NDUFV3: variants seen among roughly 807,000 people sequenced by gnomAD.
NDUFV3 encodes NADH:ubiquinone oxidoreductase subunit V3.
In NDUFV3, 44 loss-of-function variants were observed where a neutral mutation model predicts 37.5. That is an observed-to-expected ratio of 1.17 (90% confidence interval 0.92 to 1.51). The LOEUF is 1.51. Ranked by LOEUF, NDUFV3 falls within the 40% of genes most tolerant of loss-of-function variation. NDUFV3 has a pLI of 0.00. For synonymous variants in NDUFV3, 235 were observed against 239.3 expected (o/e 0.98, Z 0.17); for missense variants, 580 against 580.4 (o/e 1.00, Z 0.01).
intron 2 of NDUFV3, among the ~76,000 whole-genome samples, chr21:42,902,325 C>G (rs1013685810): frequency 2.6e-5 from 4 of 152,132 alleles, no homozygotes; most frequent in Non-Finnish European, 5.9e-5. Flanking sequence ...ACTTTATTCT[C>G]TAATGTAATG....
intron 2 of NDUFV3, 150 bp from the exon 3 acceptor site, chr21:42,903,032 G>C: frequency 3.6e-6 from 4 of 1,105,534 alleles, no homozygotes; most frequent in Non-Finnish European, 5.3e-6. Flanking sequence ...TCCTCAGTTG[G>C]TTGCTTGGTG....
Position 42,909,169 on chromosome 21 carries a change from T to C in NDUFV3, c.*148T>C. 1.2e-6 allele frequency: 1 copy of C among 818,348 alleles called. No individual in the cohort carries two copies. The highest frequency in any genetic ancestry group is 1.9e-5 in the African/African-American group (1 of 52,126). The allele number at this position is 818,348 out of a possible 1,614,324, so 50.7% of individuals were successfully genotyped here. Reference sequence around the variant, plus strand: ...TTTTTTTTTTTTTTTTGAGACAGGGTCTCACTCTGTCACCCAGGCTGGAGT... The same window carrying C: ...TTTTTTTTTTTTTTTTGAGACAGGGCCTCACTCTGTCACCCAGGCTGGAGT... On this transcript the variant is annotated 3_prime_UTR_variant, in exon 4 of 4. Transcript: ENST00000354250.
chr21:42,908,028 C>T (rs964968343), intron 3 of NDUFV3, among the ~76,000 whole-genome samples: 1 of 151,966 alleles, frequency 6.6e-6, no homozygotes, highest in African/African-American at 2.4e-5. Flanking sequence ...GTTGTATGGC[C>T]TGGCATGGTG....
rs2058725456 is a variant in NDUFV3 at position 42,903,311 on chromosome 21, G to C, written c.299G>C (p.Ser100Thr). 6.2e-7 allele frequency: 1 copy of C among 1,614,222 alleles called. No homozygotes were observed. The change falls in exon 3 of 4, where the codon AGT becomes ACT. Residue 100 changes from serine (S) to threonine (T), a missense_variant. Coordinates refer to ENST00000354250, the MANE Select transcript of NDUFV3 (RefSeq NM_021075.4). ...VNKGRKVASPSPSGSVLFTDE... is the reference protein window; with the variant it reads ...VNKGRKVASPTPSGSVLFTDE... ...AAGGGCAGGAAGGTAGCTAGTCCCA[G>C]TCCCAGTGGCAGCGTGCTATTCACA...
chr21:42,896,732 G>A (rs535315079), intron 1 of NDUFV3, among the ~76,000 whole-genome samples, 195 bp from the exon 2 acceptor site: 3 of 152,184 alleles, frequency 2.0e-5, no homozygotes, highest in African/African-American at 7.2e-5. Flanking sequence ...TGTGCCTGTA[G>A]TCCTGGCTAT....
At chr21:42,903,136 T>A (rs1440135150) in intron 2 of NDUFV3, 46 bp from the exon 3 acceptor site, 2 of 1,612,276 alleles carry the variant, frequency 1.2e-6, no homozygotes, top group Non-Finnish European at 1.7e-6. Context: ...TGACTGAGTT[T>A]TAAGTTGTTT....
At chr21:42,897,967 T>C (rs149111779) in intron 2 of NDUFV3, among the ~76,000 whole-genome samples, 6,213 of 152,246 alleles carry the variant, frequency 0.041, 152 homozygotes, top group South Asian at 0.11. Context: ...TGAGCCACCG[T>C]GCCCAGTCCT....
chr21:42,905,572 A>G (rs371416745), intron 3 of NDUFV3, among the ~76,000 whole-genome samples: 3 of 152,122 alleles, frequency 2.0e-5, no homozygotes, highest in South Asian at 2.1e-4. Flanking sequence ...CTGGAGTACA[A>G]TGGCGCAATC....
chr21:42,894,705 A>G (rs56036790), intron 1 of NDUFV3, among the ~76,000 whole-genome samples: 5,179 of 149,552 alleles, frequency 0.035, 123 homozygotes, highest in South Asian at 0.11. Context: ...AAGTACAGAT[A>G]GGGAAATTCA....
intron 3 of NDUFV3, among the ~76,000 whole-genome samples, chr21:42,906,400 T>G (rs1035063558): frequency 6.6e-6 from 1 of 152,176 alleles, no homozygotes; most frequent in Non-Finnish European, 1.5e-5. Context: ...TGGTTCGTTG[T>G]GCGACAGGAT....
intron 3 of NDUFV3, 42 bp from the exon 4 acceptor site, chr21:42,908,822 T>C: frequency 6.2e-7 from 1 of 1,613,260 alleles, no homozygotes; most frequent in Non-Finnish European, 8.5e-7. Flanking sequence ...CATAAAGAGC[T>C]GTCCTTGTGT....
chr21:42,900,800 C>T (rs530982341), intron 2 of NDUFV3, among the ~76,000 whole-genome samples: 3 of 152,308 alleles, frequency 2.0e-5, no homozygotes, highest in African/African-American at 7.2e-5. Context: ...ATGGGACATG[C>T]TGTGCCTTAT....
chr21:42,896,135 C>A (rs889994133), intron 1 of NDUFV3, among the ~76,000 whole-genome samples: 1 of 150,570 alleles, frequency 6.6e-6, no homozygotes, highest in African/African-American at 2.4e-5. Context: ...AGGCATGCAC[C>A]ACCGTGCCTG....
intron 3 of NDUFV3, among the ~76,000 whole-genome samples, chr21:42,908,606 A>G (rs1032868699): frequency 2.8e-5 from 4 of 143,722 alleles, no homozygotes; most frequent in Non-Finnish European, 6.1e-5. Context: ...CTGTTCACAG[A>G]TAGGGTTGAT....
intron 3 of NDUFV3, among the ~76,000 whole-genome samples, chr21:42,904,752 C>T (rs1294859065): frequency 6.6e-6 from 1 of 151,734 alleles, no homozygotes; most frequent in Non-Finnish European, 1.5e-5. Context: ...TCCCAAAGTG[C>T]TGGGATTACA....
chr21:42,903,436 C>G lies in NDUFV3; in HGVS notation c.424C>G (p.Arg142Gly). ...FRKQGSDSEA[R>G]QVGRKVTSPS... ...AAAACAGGGCTCTGATTCAGAAGCTCGTCAGGTGGGTCGGAAAGTGACGTC... is the reference window on the plus strand; with the variant it reads ...AAAACAGGGCTCTGATTCAGAAGCTGGTCAGGTGGGTCGGAAAGTGACGTC... The change falls in exon 3 of 4, where the codon CGT (arginine) becomes GGT (glycine). Residue 142 changes from arginine (R) to glycine (G), a missense_variant. By Grantham distance (125) the Arg-to-Gly change is moderately radical. Coordinates refer to ENST00000354250, the MANE Select transcript of NDUFV3 (RefSeq NM_021075.4). The G allele has an allele frequency of 1.9e-6, 3 of 1,614,156 alleles. No homozygotes were observed. Among genetic ancestry groups the G allele is most frequent in the East Asian group, 4.5e-5 (2 of 44,880 alleles).
At chr21:42,895,527 C>T (rs2146146716) in intron 1 of NDUFV3, among the ~76,000 whole-genome samples, 1 of 151,970 alleles carries the variant, frequency 6.6e-6, no homozygotes, top group Non-Finnish European at 1.5e-5. Flanking sequence ...TGGTGCACAC[C>T]TGTAATTCCA....
chr21:42,904,083 G>A lies in NDUFV3; in HGVS notation c.1071G>A (p.Thr357=), dbSNP rs765225809. The change falls in exon 3 of 4, where the codon ACG becomes ACA. Residue 357 remains threonine (T), a synonymous_variant. Coordinates refer to ENST00000354250, the MANE Select transcript of NDUFV3 (RefSeq NM_021075.4). ...TGCCCAGAAAGGAAACCTCAGGGAC[G>A]CAGGGAATAGAAGGCCACCTGAAGG... ...PPLPRKETSG[T]QGIEGHLKGG... is the part of the protein sequence containing the mutation. 48 of 1,614,232 alleles carry A rather than the reference G, an allele frequency of 3.0e-5. No individual in the cohort carries two copies. Among genetic ancestry groups the A allele is most frequent in the South Asian group, 9.9e-5 (9 of 91,086 alleles).
chr21:42,904,418 C>T, intron 3 of NDUFV3, 142 bp downstream of exon 3: 3 of 1,119,622 alleles, frequency 2.7e-6, no homozygotes, highest in Non-Finnish European at 3.9e-6. Context: ...CTGTCTCAGC[C>T]AGGCAGAAAA....
Sources: allele counts gnomAD v4.1 joint callset (sites outside exome capture counted in the v4.1 genomes callset), GRCh38; gene constraint gnomAD v4.1.1; transcripts MANE v1.5; gene names NCBI Gene and HGNC (gene_info 2026-07-23, HGNC 2026-07-21).